The following MTHFD2L variants were observed in gnomAD, a reference collection of about 807,000 sequenced individuals.
MTHFD2L encodes the protein methylenetetrahydrofolate dehydrogenase (NADP+ dependent) 2 like.
Under a neutral mutation model 34.9 loss-of-function variants are expected in MTHFD2L, and 29 were observed. The ratio of observed to expected loss-of-function variants is 0.83; its 90% CI spans 0.62 to 1.13. The LOEUF (loss-of-function observed/expected upper bound fraction) is 1.13, where lower values mean the gene tolerates loss of function less well. MTHFD2L is among the 50% of genes most tolerant of loss of function. The pLI is 0.00. For missense variants in MTHFD2L, 481 were observed against 446.5 expected (o/e 1.08, Z -0.70); for synonymous variants, 167 against 155.7 (o/e 1.07, Z -0.54).
chr4:74,275,381 A>G (rs1482930499), intron 6 of MTHFD2L, among the ~76,000 whole-genome samples: 1 of 152,038 alleles, frequency 6.6e-6, no homozygotes, highest in Non-Finnish European at 1.5e-5. Context: ...AGTCTTTGTT[A>G]TTGTAAATAG....
In MTHFD2L at chr4:74,301,882, T is replaced by C; in HGVS notation, c.*73T>C. 1 of 818,804 alleles carries C rather than the reference T, an allele frequency of 1.2e-6. No individual in the cohort carries two copies. The highest frequency in any genetic ancestry group is 1.9e-6 in the Non-Finnish European group (1 of 530,982). 50.7% of individuals were successfully genotyped at this position (818,804 alleles called of 1,614,324 possible). A position where few individuals can be genotyped will look rare whatever the true frequency, so the allele number is the denominator to read the frequency against. The stretch of plus-strand genomic sequence containing the variant: ...TGACAAAGGGTAAAACCTTTATATT[T>C]TACTACAAAGCTATTTATTTCTACA... On this transcript the variant is annotated 3_prime_UTR_variant, in exon 8 of 8. Coordinates refer to ENST00000325278, the MANE Select transcript of MTHFD2L (RefSeq NM_001144978.3).
chr4:74,142,750 A>G (rs1723354167), intron 1 of MTHFD2L, among the ~76,000 whole-genome samples: 1 of 152,202 alleles, frequency 6.6e-6, no homozygotes, highest in Non-Finnish European at 1.5e-5. Flanking sequence ...CTCCAGTTTT[A>G]GAAGCAATGA....
intron 6 of MTHFD2L, among the ~76,000 whole-genome samples, chr4:74,235,086 G>A (rs893410849): frequency 2.0e-5 from 3 of 152,106 alleles, no homozygotes; most frequent in African/African-American, 7.2e-5. Flanking sequence ...AGTTGTGAAA[G>A]ATGAAGCATA....
intron 6 of MTHFD2L, among the ~76,000 whole-genome samples, chr4:74,274,988 A>G (rs1419979521): frequency 6.6e-6 from 1 of 152,192 alleles, no homozygotes; most frequent in African/African-American, 2.4e-5. Flanking sequence ...ACATGTGCAG[A>G]ATGTGCAGGT....
intron 1 of MTHFD2L, among the ~76,000 whole-genome samples, chr4:74,127,542 C>T (rs1453758622): frequency 6.6e-6 from 1 of 152,108 alleles, no homozygotes; most frequent in Non-Finnish European, 1.5e-5. Context: ...AACATAATGA[C>T]CTCCAGTTCC....
At chr4:74,133,626 A>G (rs1246766) in intron 1 of MTHFD2L, among the ~76,000 whole-genome samples, 1,942 of 152,214 alleles carry the variant, frequency 0.013, 38 homozygotes, top group African/African-American at 0.044. Flanking sequence ...TCAATTCAGC[A>G]AATGTGGTTC....
At chr4:74,187,670 A>G (rs370160032) in intron 3 of MTHFD2L, among the ~76,000 whole-genome samples, 2 of 152,070 alleles carry the variant, frequency 1.3e-5, no homozygotes, top group East Asian at 1.9e-4. Flanking sequence ...CCTGTAGTGG[A>G]GATGCAAAAT....
At chr4:74,201,587 A>G (rs1463049547) in intron 5 of MTHFD2L, among the ~76,000 whole-genome samples, 1 of 145,364 alleles carries the variant, frequency 6.9e-6, no homozygotes, top group African/African-American at 2.5e-5. Context: ...TTTTTTGGCT[A>G]TATGCACTTT....
chr4:74,199,706 G>C, intron 3 of MTHFD2L, 88 bp from the exon 4 acceptor site: 1 of 1,101,094 alleles, frequency 9.1e-7, no homozygotes, highest in Non-Finnish European at 1.3e-6. Context: ...AATTATAAGT[G>C]ATGTGGCTTT....
At chr4:74,165,643 A>T (rs539476668) in intron 1 of MTHFD2L, among the ~76,000 whole-genome samples, 8 of 152,346 alleles carry the variant, frequency 5.3e-5, no homozygotes, top group African/African-American at 1.9e-4. Flanking sequence ...GGCGTGAGCC[A>T]CTAGGCCCGG....
intron 6 of MTHFD2L, among the ~76,000 whole-genome samples, chr4:74,254,900 C>G (rs1002437686): frequency 1.3e-5 from 2 of 151,798 alleles, no homozygotes; most frequent in Non-Finnish European, 2.9e-5. Context: ...TTTGGGAGGC[C>G]GAGGTGGGCG....
chr4:74,251,042 C>T (rs193086429), intron 6 of MTHFD2L, among the ~76,000 whole-genome samples: 12 of 152,078 alleles, frequency 7.9e-5, no homozygotes, highest in African/African-American at 2.2e-4. Flanking sequence ...TCCTTCTCCA[C>T]GACTTCAGAT....
intron 5 of MTHFD2L, among the ~76,000 whole-genome samples, chr4:74,209,456 G>C (rs766003055): frequency 6.6e-6 from 1 of 152,124 alleles, no homozygotes; most frequent in Non-Finnish European, 1.5e-5. Context: ...TTGGTTTTCC[G>C]TTCCTGTGTT....
At chr4:74,131,448 G>T (rs1462181206) in intron 1 of MTHFD2L, among the ~76,000 whole-genome samples, 2 of 152,112 alleles carry the variant, frequency 1.3e-5, no homozygotes, top group African/African-American at 4.8e-5. Context: ...ACAACCATCT[G>T]ATCTTTGACA....
At chr4:74,282,053 A>G (rs1263747200) in intron 7 of MTHFD2L, among the ~76,000 whole-genome samples, 1 of 152,120 alleles carries the variant, frequency 6.6e-6, no homozygotes, top group Non-Finnish European at 1.5e-5. Context: ...TAGAGAGAAT[A>G]AAGAAAAGGA....
At chr4:74,231,058 T>A (rs192918046) in intron 6 of MTHFD2L, among the ~76,000 whole-genome samples, 53 of 152,292 alleles carry the variant, frequency 3.5e-4, no homozygotes, top group African/African-American at 1.3e-3. Context: ...CCTTCCAGCA[T>A]GACGAATGAA....
At chr4:74,269,789 C>T (rs1330077535) in intron 6 of MTHFD2L, among the ~76,000 whole-genome samples, 8 of 152,016 alleles carry the variant, frequency 5.3e-5, no homozygotes, top group African/African-American at 1.9e-4. Flanking sequence ...TTATTTAGGT[C>T]CAGGCGGAAG....
intron 6 of MTHFD2L, among the ~76,000 whole-genome samples, chr4:74,235,859 A>G (rs139599233): frequency 6.6e-6 from 1 of 152,220 alleles, no homozygotes; most frequent in African/African-American, 2.4e-5. Flanking sequence ...CCCGACCTTT[A>G]TCGGCTTGAA....
At chr4:74,180,392 C>G (rs1328580581) in intron 3 of MTHFD2L, among the ~76,000 whole-genome samples, 2 of 152,080 alleles carry the variant, frequency 1.3e-5, no homozygotes, top group Non-Finnish European at 2.9e-5. Flanking sequence ...ATTACACCTT[C>G]AAGCTTAATA....
Sources: allele counts gnomAD v4.1 joint callset (sites outside exome capture counted in the v4.1 genomes callset), GRCh38; gene constraint gnomAD v4.1.1; transcripts MANE v1.5; gene names NCBI Gene and HGNC (gene_info 2026-07-23, HGNC 2026-07-21).